Variants in CYYR1 observed in about 807,000 individuals in gnomAD.
CYYR1 encodes the protein cysteine and tyrosine-rich protein 1.
CYYR1 carries 14 observed loss-of-function variants against 15.2 expected under a neutral mutation model. The ratio of observed to expected loss-of-function variants is 0.92; its 90% CI spans 0.61 to 1.44. CYYR1 has a LOEUF of 1.44. Among genes scored for constraint, CYYR1 ranks in the 40% most tolerant of loss-of-function variants. CYYR1 has a pLI of 0.00. For missense variants in CYYR1, 228 were observed against 209.5 expected (o/e 1.09, Z -0.54); for synonymous variants, 80 against 77.4 (o/e 1.03, Z -0.18).
At chr21:26,507,392 A>G (rs2065582929) in intron 2 of CYYR1, among the ~76,000 whole-genome samples, 1 of 152,176 alleles carries the variant, frequency 6.6e-6, no homozygotes, top group African/African-American at 2.4e-5. Flanking sequence ...TCCCTTTAAA[A>G]CATTAGATGT....
intron 2 of CYYR1, among the ~76,000 whole-genome samples, chr21:26,497,475 GA>G (rs1350131409): frequency 2.0e-5 from 3 of 152,132 alleles, no homozygotes; most frequent in African/African-American, 7.2e-5. Context: ...TGCCTACAAA[GA>G]AAAATGGTTA....
intron 1 of CYYR1, among the ~76,000 whole-genome samples, chr21:26,570,446 G>C (rs2072339611): frequency 6.6e-6 from 1 of 152,182 alleles, no homozygotes; most frequent in Admixed American, 6.5e-5. Context: ...GGAGGAGACA[G>C]AAGTTACTGG....
intron 3 of CYYR1, chr21:26,478,064 C>G: frequency 6.5e-7 from 1 of 1,549,164 alleles, no homozygotes; most frequent in Non-Finnish European, 8.7e-7. Flanking sequence ...ATGTACCAGG[C>G]CTGGTCTTAC....
intron 2 of CYYR1, among the ~76,000 whole-genome samples, chr21:26,524,123 C>G (rs922191111): frequency 1.3e-5 from 2 of 152,166 alleles, no homozygotes; most frequent in Non-Finnish European, 2.9e-5. Flanking sequence ...GTGGCCTATA[C>G]TTGCTACATT....
At chr21:26,553,763 A>G (rs1267343278) in intron 2 of CYYR1, among the ~76,000 whole-genome samples, 1 of 152,188 alleles carries the variant, frequency 6.6e-6, no homozygotes, top group Non-Finnish European at 1.5e-5. Flanking sequence ...CATCTTACTC[A>G]GAACTGGAAC....
intron 2 of CYYR1, among the ~76,000 whole-genome samples, chr21:26,526,093 T>C (rs910178748): frequency 6.6e-6 from 1 of 152,094 alleles, no homozygotes; most frequent in African/African-American, 2.4e-5. Context: ...GGAAATAATC[T>C]GTACAACAAA....
intron 2 of CYYR1, among the ~76,000 whole-genome samples, chr21:26,562,727 A>AACACACAC (rs58990363): frequency 2.3e-5 from 3 of 131,612 alleles, no homozygotes; most frequent in African/African-American, 8.7e-5. Flanking sequence ...TCTCCTCCTA[A>AACACACAC]ACACACACAC....
chr21:26,562,932 T>C (rs1013116280), intron 2 of CYYR1, among the ~76,000 whole-genome samples: 12 of 152,292 alleles, frequency 7.9e-5, no homozygotes, highest in African/African-American at 2.6e-4. Flanking sequence ...TTTTGAGGTC[T>C]TGGAAGTCAG....
chr21:26,517,637 C>A (rs1253981253), intron 2 of CYYR1, among the ~76,000 whole-genome samples: 2 of 152,052 alleles, frequency 1.3e-5, no homozygotes, highest in South Asian at 2.1e-4. Flanking sequence ...CTCACTGCAA[C>A]CTCCATCTCC....
At chr21:26,515,444 C>A (rs1465163473) in intron 2 of CYYR1, among the ~76,000 whole-genome samples, 3 of 152,126 alleles carry the variant, frequency 2.0e-5, no homozygotes, top group Non-Finnish European at 4.4e-5. Flanking sequence ...ACTGCAGCCT[C>A]AACCACTGGC....
chr21:26,501,332 T>C (rs185036124), intron 2 of CYYR1, among the ~76,000 whole-genome samples: 1 of 152,316 alleles, frequency 6.6e-6, no homozygotes, highest in East Asian at 1.9e-4. Flanking sequence ...TGAGACTTCG[T>C]CTAAATAAAT....
At chr21:26,551,084 G>A (rs117056656) in intron 2 of CYYR1, 2,007 of 152,788 alleles carry the variant, frequency 0.013, 20 homozygotes, top group Non-Finnish European at 0.021. Flanking sequence ...CTTAAGAACT[G>A]TGCTAAATCT....
intron 2 of CYYR1, chr21:26,564,893 A>C (rs1980504120): frequency 1.1e-6 from 1 of 935,038 alleles, no homozygotes. Context: ...TGTTACTTTA[A>C]ATACTGCGAA....
At chr21:26,508,394 G>C (rs1024858936) in intron 2 of CYYR1, among the ~76,000 whole-genome samples, 1 of 152,178 alleles carries the variant, frequency 6.6e-6, no homozygotes, top group African/African-American at 2.4e-5. Flanking sequence ...AAGGGAATAA[G>C]GACTAGATTT....
chr21:26,541,736 C>T (rs118065317), intron 2 of CYYR1, among the ~76,000 whole-genome samples: 4,606 of 152,018 alleles, frequency 0.03, 100 homozygotes, highest in Non-Finnish European at 0.048. Context: ...ATGTAATAAA[C>T]GTGAAAATAC....
chr21:26,551,716 C>A, intron 2 of CYYR1: 1 of 182,352 alleles, frequency 5.5e-6, no homozygotes, highest in Non-Finnish European at 1.2e-5. Context: ...TACGGATTAG[C>A]AAAAAAGTGG....
intron 2 of CYYR1, among the ~76,000 whole-genome samples, chr21:26,481,513 A>G (rs909503466): frequency 1.3e-5 from 2 of 152,094 alleles, no homozygotes; most frequent in African/African-American, 2.4e-5. Flanking sequence ...TCAATTAATT[A>G]GTGTTAGCTT....
At chr21:26,490,004 A>G (rs938294939) in intron 2 of CYYR1, among the ~76,000 whole-genome samples, 1 of 152,100 alleles carries the variant, frequency 6.6e-6, no homozygotes, top group Non-Finnish European at 1.5e-5. Flanking sequence ...GACTTCACTC[A>G]TTAAGTATAT....
At chr21:26,497,799 T>C (rs62216508) in intron 2 of CYYR1, among the ~76,000 whole-genome samples, 1 of 152,184 alleles carries the variant, frequency 6.6e-6, no homozygotes, top group Non-Finnish European at 1.5e-5. Flanking sequence ...GCCCCTCTGT[T>C]ATGTTGCAAA....
Sources: gnomAD v4.1 joint callset for allele counts (sites outside exome capture counted in the v4.1 genomes callset) on GRCh38, gnomAD v4.1.1 for gene constraint, MANE v1.5 for transcripts, NCBI Gene and HGNC (gene_info 2026-07-23, HGNC 2026-07-21) for gene names.